ELAPOR2: variants seen among roughly 807,000 people sequenced by gnomAD.
The protein encoded by ELAPOR2 is endosome/lysosome-associated apoptosis and autophagy regulator family member 2.
A neutral mutation model predicts 120.7 loss-of-function variants in ELAPOR2; 89 were observed. The ratio of observed to expected loss-of-function variants is 0.74; its 90% CI spans 0.62 to 0.88. The LOEUF (loss-of-function observed/expected upper bound fraction) is 0.88. Among genes scored for constraint, ELAPOR2 ranks in the 40% least tolerant of loss-of-function variants. ELAPOR2 has a pLI of 0.00. For synonymous variants in ELAPOR2, 444 were observed against 444.9 expected, an observed-to-expected ratio of 1.00 and a Z score of 0.03; for missense variants, 1,134 against 1,251.6, an observed-to-expected ratio of 0.91 and a Z score of 1.42.
At chr7:87,037,116 T>C (rs2116754698) in intron 1 of ELAPOR2, among the ~76,000 whole-genome samples, 1 of 152,088 alleles carries the variant, frequency 6.6e-6, no homozygotes. Flanking sequence ...GCTTCTTAAA[T>C]GCTGTTGTTT....
chr7:86,915,221 A>G (rs1461952819), intron 12 of ELAPOR2, among the ~76,000 whole-genome samples: 1 of 152,108 alleles, frequency 6.6e-6, no homozygotes, highest in African/African-American at 2.4e-5. Context: ...ACTTCTTACA[A>G]TAAACTTCTA....
At chr7:86,950,148 C>T (rs1791183899) in intron 2 of ELAPOR2, among the ~76,000 whole-genome samples, 1 of 152,212 alleles carries the variant, frequency 6.6e-6, no homozygotes, top group African/African-American at 2.4e-5. Flanking sequence ...TGAACAGTAG[C>T]TGAGACACCC....
chr7:87,019,425 G>A (rs1489784967), intron 1 of ELAPOR2, among the ~76,000 whole-genome samples: 1 of 152,000 alleles, frequency 6.6e-6, no homozygotes, highest in Non-Finnish European at 1.5e-5. Context: ...CAGCCTCCTA[G>A]AATGCTGGGA....
chr7:87,027,350 C>T (rs746455844), intron 1 of ELAPOR2, among the ~76,000 whole-genome samples: 1 of 152,112 alleles, frequency 6.6e-6, no homozygotes. Flanking sequence ...TTTCAAATGA[C>T]ACATACGACT....
At chr7:86,990,112 T>A (rs1219525074) in intron 1 of ELAPOR2, among the ~76,000 whole-genome samples, 1 of 152,046 alleles carries the variant, frequency 6.6e-6, no homozygotes, top group Non-Finnish European at 1.5e-5. Context: ...AGTGGTGCCA[T>A]CTCGGCTCAC....
At position 86,899,846 on chromosome 7, in the gene ELAPOR2, C is replaced by T. The variant is rs552105068; in HGVS notation, c.2559-2214G>A. ...GTTTAATTCTTATCTGCCTTAATTT[C>T]TCTGTTTTTTTTTTTAAAGAGTAAT... On this transcript the variant is annotated intron_variant, in intron 18 of 21. Coordinates refer to ENST00000450689, the MANE Select transcript of ELAPOR2 (RefSeq NM_001142749.3). Among the ~76,000 whole-genome samples, 3 of 150,382 alleles carry T rather than the reference C, an allele frequency of 2.0e-5. No individual in the cohort carries two copies. In the South Asian group the frequency reaches 6.3e-4, roughly 31 times the overall value.
At chr7:86,983,027 T>C (rs1302416793) in intron 1 of ELAPOR2, among the ~76,000 whole-genome samples, 1 of 151,996 alleles carries the variant, frequency 6.6e-6, no homozygotes, top group African/African-American at 2.4e-5. Flanking sequence ...GGCACGAGAA[T>C]GACGTGACAC....
At chr7:86,907,802 A>G in intron 17 of ELAPOR2, 31 bp from the exon 18 acceptor site, 6 of 1,336,604 alleles carry the variant, frequency 4.5e-6, no homozygotes, top group Non-Finnish European at 6.1e-6. Context: ...TTTTTAAAAA[A>G]CAGATATAAT....
intron 1 of ELAPOR2, among the ~76,000 whole-genome samples, chr7:87,034,067 T>C (rs1374834519): frequency 1.3e-5 from 2 of 152,170 alleles, no homozygotes; most frequent in East Asian, 3.8e-4. Flanking sequence ...TATTTTTAAA[T>C]GCCAAAAAAC....
chr7:86,908,090 T>C (rs528191699), intron 17 of ELAPOR2, among the ~76,000 whole-genome samples: 131 of 151,304 alleles, frequency 8.7e-4, no homozygotes, highest in Admixed American at 1.6e-3. Flanking sequence ...GATATATGAA[T>C]TATAAATAAT....
intron 16 of ELAPOR2, 42 bp from the exon 17 acceptor site, chr7:86,908,585 A>C: frequency 2.2e-6 from 2 of 889,948 alleles, no homozygotes; most frequent in Admixed American, 2.6e-5. Context: ...AATATGGAAA[A>C]TTAGTTTTAT....
At chr7:87,058,380 T>A (rs1449573959) in intron 1 of ELAPOR2, among the ~76,000 whole-genome samples, 1 of 152,194 alleles carries the variant, frequency 6.6e-6, no homozygotes, top group Non-Finnish European at 1.5e-5. Flanking sequence ...AAAAACAGTA[T>A]CTATTCCATA....
In ELAPOR2 at chr7:86,938,789, G is replaced by C; in HGVS notation, c.1000+19C>G. The C allele has an allele frequency of 1.9e-6, 3 of 1,610,778 alleles. No homozygotes were observed. The highest frequency in any genetic ancestry group is 1.1e-5 in the South Asian group (1 of 90,872). On this transcript the variant is annotated intron_variant, in intron 7 of 21. Transcript: ENST00000450689. ...ACATACATTTAGAAAGAAAAAAGCA[G>C]AGTATAAACTAGTTCTACCTGAAAA...
At chr7:86,892,650 C>A (rs1788220047) in intron 20 of ELAPOR2, among the ~76,000 whole-genome samples, 1 of 152,058 alleles carries the variant, frequency 6.6e-6, no homozygotes, top group Admixed American at 6.6e-5. Context: ...CTGCTATCAT[C>A]TACCTGAATA....
rs187013040 is a variant in ELAPOR2 at position 87,041,140 on chromosome 7, G to C, written c.189+18185C>G. 6.4e-3 allele frequency among the ~76,000 whole-genome samples: 966 copies of C among 151,866 alleles called. 9 individuals carry two copies. The highest frequency in any genetic ancestry group is 0.023 in the African/African-American group (926 of 41,112). On this transcript the variant is annotated intron_variant, in intron 1 of 21. Transcript: ENST00000450689. ...AAAAGACCAAATCTATGTCTGATTG[G>C]TGTACCTGAAAGGGATGGGCAGAAT...
intron 18 of ELAPOR2, 22 bp from the exon 19 acceptor site, chr7:86,897,654 A>C: frequency 1.2e-6 from 2 of 1,612,478 alleles, no homozygotes; most frequent in Non-Finnish European, 1.7e-6. Context: ...AACAAAACCA[A>C]AAACACATAA....
At chr7:86,884,611 G>A (rs139336816) in intron 21 of ELAPOR2, among the ~76,000 whole-genome samples, 16 of 152,180 alleles carry the variant, frequency 1.1e-4, no homozygotes, top group African/African-American at 3.4e-4. Flanking sequence ...CTGTATGACC[G>A]TACAGCTAAA....
rs111750861 is a variant in ELAPOR2 at position 87,047,601 on chromosome 7, G to C, written c.189+11724C>G. 7.9e-3 allele frequency among the ~76,000 whole-genome samples: 1,203 copies of C among 152,286 alleles called. 17 individuals carry two copies. The highest frequency in any genetic ancestry group is 0.028 in the African/African-American group (1,156 of 41,550). ...AGGTGCTCAATATCACCAGTCATTAGAGAAATGCAAATCAAAACTACAATA... is the reference window on the plus strand; with the variant it reads ...AGGTGCTCAATATCACCAGTCATTACAGAAATGCAAATCAAAACTACAATA... On this transcript the variant is annotated intron_variant, in intron 1 of 21. Coordinates refer to ENST00000450689, the MANE Select transcript of ELAPOR2 (RefSeq NM_001142749.3).
chr7:86,999,216 A>AT (rs1305498846), intron 1 of ELAPOR2, among the ~76,000 whole-genome samples: 1 of 152,178 alleles, frequency 6.6e-6, no homozygotes, highest in African/African-American at 2.4e-5. Context: ...GGGCTACATA[A>AT]TAACATCAAA....
Sources: gnomAD v4.1 joint callset for allele counts (sites outside exome capture counted in the v4.1 genomes callset) on GRCh38, gnomAD v4.1.1 for gene constraint, MANE v1.5 for transcripts, NCBI Gene and HGNC (gene_info 2026-07-23, HGNC 2026-07-21) for gene names.